DLC1: variants seen among roughly 807,000 people sequenced by gnomAD.
The protein encoded by DLC1 is DLC1 Rho GTPase activating protein, also known as rho GTPase-activating protein 7.
In DLC1, 54 loss-of-function variants were observed where a neutral mutation model predicts 140.3. The observed-to-expected ratio is 0.38, with a 90% CI of 0.31 to 0.48. The LOEUF is 0.48. Ranked by LOEUF, DLC1 falls within the 20% of genes least tolerant of loss-of-function variation. The pLI is 0.96. For synonymous variants in DLC1, 986 were observed against 728.1 expected, an observed-to-expected ratio of 1.35 and a Z score of -5.70; for missense variants, 2,536 against 1,907.0, an observed-to-expected ratio of 1.33 and a Z score of -6.14.
intron 4 of DLC1, chr8:13,341,133 A>T (rs1834025354): frequency 2.0e-5 from 3 of 152,218 alleles, no homozygotes; most frequent in Non-Finnish European, 4.4e-5. Flanking sequence ...TTCACATTGA[A>T]CTAATTTCTT....
chr8:13,184,459 C>G (rs1469964833), intron 5 of DLC1, among the ~76,000 whole-genome samples: 1 of 152,170 alleles, frequency 6.6e-6, no homozygotes, highest in Non-Finnish European at 1.5e-5. Context: ...TCCCTCTACA[C>G]TCTGCTTTAA....
intron 4 of DLC1, among the ~76,000 whole-genome samples, chr8:13,388,503 A>G (rs1486042116): frequency 6.6e-6 from 1 of 152,006 alleles, no homozygotes; most frequent in Non-Finnish European, 1.5e-5. Context: ...AATAAATATA[A>G]TTTATACTGA....
chr8:13,584,827 T>G (rs1055335763), intron 1 of DLC1, among the ~76,000 whole-genome samples: 1 of 152,102 alleles, frequency 6.6e-6, no homozygotes, highest in Admixed American at 6.6e-5. Context: ...TCCTACCCAA[T>G]CCTCCCTTTT....
intron 5 of DLC1, among the ~76,000 whole-genome samples, chr8:13,229,650 AAAGAGAGAGAGAGAG>A (rs1459843079): frequency 2.0e-5 from 3 of 150,604 alleles, no homozygotes; most frequent in Admixed American, 6.6e-5. Context: ...AGAGAGAGAG[AAAGAGAGAGAGAGAG>A]AAGAGAGAGA....
chr8:13,240,221 T>C (rs1358227405), intron 5 of DLC1, among the ~76,000 whole-genome samples: 1 of 152,096 alleles, frequency 6.6e-6, no homozygotes. Context: ...CCCGTAGTAG[T>C]GTCCTCCTCT....
At chr8:13,567,725 G>C in intron 1 of DLC1, 1 of 1,552,094 alleles carries the variant, frequency 6.4e-7, no homozygotes, top group South Asian at 1.2e-5. Flanking sequence ...ACCCGTATTG[G>C]AGAAGCACAT....
intron 6 of DLC1, among the ~76,000 whole-genome samples, chr8:13,112,223 T>C (rs1026206682): frequency 2.0e-5 from 3 of 152,194 alleles, no homozygotes; most frequent in Admixed American, 6.5e-5. Context: ...GGAACAGACA[T>C]GGCTGTCAGC....
At chr8:13,295,890 A>C (rs1831924123) in intron 5 of DLC1, among the ~76,000 whole-genome samples, 1 of 151,862 alleles carries the variant, frequency 6.6e-6, no homozygotes, top group Non-Finnish European at 1.5e-5. Flanking sequence ...CTGGAAACTC[A>C]AAAGAGGTAA....
intron 4 of DLC1, among the ~76,000 whole-genome samples, chr8:13,339,040 A>C (rs1833924638): frequency 6.6e-6 from 1 of 152,206 alleles, no homozygotes; most frequent in Admixed American, 6.5e-5. Context: ...GGTAATAAGG[A>C]AAGGTAATTT....
intron 5 of DLC1, among the ~76,000 whole-genome samples, chr8:13,181,906 C>A (rs1467320843): frequency 6.6e-6 from 1 of 152,154 alleles, no homozygotes. Flanking sequence ...CTCGAGGAAT[C>A]ACCACACCAT....
intron 5 of DLC1, among the ~76,000 whole-genome samples, chr8:13,298,735 CAG>C (rs1458012268): frequency 1.3e-5 from 2 of 152,106 alleles, no homozygotes; most frequent in Admixed American, 6.5e-5. Flanking sequence ...ATTTTCAAGA[CAG>C]GGGATAAAAA....
At chr8:13,488,184 C>T (rs917983260) in intron 2 of DLC1, among the ~76,000 whole-genome samples, 4 of 152,174 alleles carry the variant, frequency 2.6e-5, no homozygotes, top group African/African-American at 7.2e-5. Context: ...GTATTAAAAA[C>T]ATTCCGTACA....
At chr8:13,579,245 C>CATACATATATATGTATATATATAT (rs1554546967) in intron 1 of DLC1, among the ~76,000 whole-genome samples, 2 of 18,906 alleles carry the variant, frequency 1.1e-4, no homozygotes. Context: ...GAACAGGGAG[C>CATACATATATATGTATATATATAT]ATATATATAT....
chr8:13,284,520 C>A (rs1034334252), intron 5 of DLC1, among the ~76,000 whole-genome samples: 1 of 151,820 alleles, frequency 6.6e-6, no homozygotes, highest in East Asian at 1.9e-4. Context: ...GAGCAAGATT[C>A]CGTCTGAAAA....
In DLC1 at chr8:13,573,159, T is replaced by C. The variant is rs545937172; in HGVS notation, c.-126+31378A>G. ...TATTTTGTCAGTGTTTTGTGATCTT[T>C]ACCATGTAAGTTTTGTGCCTCCTTT... is the stretch of plus-strand genomic sequence containing the variant. On this transcript the variant is annotated intron_variant, in intron 1 of 1. Transcript: ENST00000631382. Among the ~76,000 whole-genome samples the C allele has an allele frequency of 2.0e-5, 3 of 152,368 alleles. No individual in the cohort carries two copies. In the South Asian group the frequency reaches 6.2e-4, roughly 32 times the overall value.
At chr8:13,246,839 G>A (rs1390397721) in intron 5 of DLC1, among the ~76,000 whole-genome samples, 2 of 152,100 alleles carry the variant, frequency 1.3e-5, no homozygotes, top group Non-Finnish European at 2.9e-5. Flanking sequence ...AATATTTGTT[G>A]AATGAATAAA....
At chr8:13,430,234 C>T (rs1239674956) in intron 2 of DLC1, among the ~76,000 whole-genome samples, 1 of 152,174 alleles carries the variant, frequency 6.6e-6, no homozygotes. Context: ...TTCCTCCCTG[C>T]AACTGAGATT....
intron 4 of DLC1, among the ~76,000 whole-genome samples, chr8:13,336,992 T>G (rs1833835710): frequency 6.6e-6 from 1 of 152,150 alleles, no homozygotes; most frequent in African/African-American, 2.4e-5. Flanking sequence ...ATAAACCAAG[T>G]AAAACAAAAT....
chr8:13,125,734 T>C (rs1392656695), intron 5 of DLC1, among the ~76,000 whole-genome samples: 1 of 151,836 alleles, frequency 6.6e-6, no homozygotes. Context: ...TTAAGTTTTG[T>C]TCATTTTTTT....
Sources: allele counts gnomAD v4.1 joint callset (sites outside exome capture counted in the v4.1 genomes callset), GRCh38; gene constraint gnomAD v4.1.1; transcripts MANE v1.5; gene names NCBI Gene and HGNC (gene_info 2026-07-23, HGNC 2026-07-21).